RXRG: variants seen among roughly 807,000 people sequenced by gnomAD.
RXRG encodes retinoic acid receptor RXR-gamma.
A neutral mutation model predicts 49.2 loss-of-function variants in RXRG; 19 were observed. The observed-to-expected ratio is 0.39, with a 90% CI of 0.27 to 0.57. RXRG has a LOEUF of 0.57. RXRG is among the 20% of genes least tolerant of loss of function. The pLI, the probability that RXRG is intolerant of heterozygous loss-of-function variation, is 0.64. For missense variants in RXRG, 452 were observed against 592.5 expected (o/e 0.76, Z 2.46); for synonymous variants, 224 against 216.6 (o/e 1.03, Z -0.30).
At chr1:165,425,713 C>T (rs569650660) in intron 2 of RXRG, among the ~76,000 whole-genome samples, 288 of 152,314 alleles carry the variant, frequency 1.9e-3, no homozygotes, top group Non-Finnish European at 3.5e-3. Flanking sequence ...ATCCCCACTC[C>T]TCTGAGCACT....
intron 6 of RXRG, 103 bp downstream of exon 6, chr1:165,410,599 T>C (rs1407656923): frequency 1.5e-6 from 2 of 1,307,046 alleles, no homozygotes; most frequent in African/African-American, 1.5e-5. Context: ...ATCAGCATGG[T>C]ACATAGCTTG....
intron 3 of RXRG, among the ~76,000 whole-genome samples, chr1:165,418,042 C>T (rs894058544): frequency 5.5e-5 from 7 of 127,172 alleles, no homozygotes; most frequent in Admixed American, 1.0e-4. Context: ...ACCCTGGAGG[C>T]GGAGGTTGCA....
At chr1:165,421,983 A>G (rs1571277783) in intron 2 of RXRG, among the ~76,000 whole-genome samples, 1 of 152,184 alleles carries the variant, frequency 6.6e-6, no homozygotes, top group African/African-American at 2.4e-5. Flanking sequence ...AAATGGAAGA[A>G]CTTTAGGTCA....
At chr1:165,429,175 G>T (rs189140480) in intron 1 of RXRG, among the ~76,000 whole-genome samples, 30 of 152,306 alleles carry the variant, frequency 2.0e-4, no homozygotes, top group African/African-American at 6.7e-4. Flanking sequence ...CCTGCTCTAG[G>T]ACAGAAATAA....
rs1301563403 is a variant in RXRG at position 165,416,587 on chromosome 1, A to G, written c.622+454T>C. 2.6e-5 allele frequency among the ~76,000 whole-genome samples: 4 copies of G among 152,194 alleles called. No individual in the cohort carries two copies. The East Asian group carries it at 7.7e-4, about 29-fold the overall frequency. Reference sequence around the variant, plus strand: ...ATGAAACCTACAGTTTGCCCCAGAGAGAGACCTAGGATTAGAGGAGAAAAG... The same window carrying G: ...ATGAAACCTACAGTTTGCCCCAGAGGGAGACCTAGGATTAGAGGAGAAAAG... On this transcript the variant is annotated intron_variant, in intron 4 of 9. Transcript: ENST00000359842.
intron 4 of RXRG, among the ~76,000 whole-genome samples, chr1:165,415,559 G>T (rs771465082): frequency 6.6e-6 from 1 of 152,054 alleles, no homozygotes; most frequent in African/African-American, 2.4e-5. Context: ...TAGATTGGGG[G>T]GTTAGTGGTA....
chr1:165,417,888 A>C (rs2101720556), intron 3 of RXRG, among the ~76,000 whole-genome samples: 1 of 152,200 alleles, frequency 6.6e-6, no homozygotes, highest in South Asian at 2.1e-4. Flanking sequence ...AGATCACTTG[A>C]GGTCAGGAGC....
At chr1:165,412,175 G>C (rs998284021) in intron 4 of RXRG, among the ~76,000 whole-genome samples, 1 of 152,064 alleles carries the variant, frequency 6.6e-6, no homozygotes, top group Non-Finnish European at 1.5e-5. Flanking sequence ...TCGCAATGCC[G>C]AACATCTAGT....
intron 1 of RXRG, among the ~76,000 whole-genome samples, chr1:165,438,739 G>A (rs965805247): frequency 6.6e-6 from 1 of 152,138 alleles, no homozygotes; most frequent in Non-Finnish European, 1.5e-5. Context: ...CTAAAAGTCT[G>A]ATTTCTAAAC....
rs545857317 is a variant in RXRG, at chr1:165,402,470, G to C, written c.1245-1060C>G. 9.2e-5 allele frequency among the ~76,000 whole-genome samples: 14 copies of C among 152,274 alleles called. No individual in the cohort carries two copies. In the South Asian group the frequency reaches 2.7e-3, roughly 29 times the overall value. ...AGAGAAAATCATAGTCTCTGCCCTT[G>C]AGGAGTCTATGGTCTGTTTGGGGAG... On this transcript the variant is annotated intron_variant, in intron 9 of 9. Coordinates refer to ENST00000359842, the MANE Select transcript of RXRG (RefSeq NM_006917.5).
chr1:165,440,984 T>A (rs1658966679), intron 1 of RXRG, among the ~76,000 whole-genome samples: 1 of 152,228 alleles, frequency 6.6e-6, no homozygotes, highest in Admixed American at 6.5e-5. Flanking sequence ...ACATAAACCT[T>A]AACCACTTAT....
chr1:165,428,347 A>G (rs1227045475), intron 2 of RXRG, among the ~76,000 whole-genome samples: 3 of 152,228 alleles, frequency 2.0e-5, no homozygotes, highest in Admixed American at 6.5e-5. Flanking sequence ...TCATTTCTGC[A>G]TTGCCTTTAA....
chr1:165,404,438 A>T (rs1657680979), intron 9 of RXRG, among the ~76,000 whole-genome samples: 1 of 152,244 alleles, frequency 6.6e-6, no homozygotes, highest in South Asian at 2.1e-4. Context: ...TTTCAAAGTG[A>T]TATGAATTAG....
At chr1:165,403,568 A>C (rs1001108742) in intron 9 of RXRG, among the ~76,000 whole-genome samples, 2 of 152,256 alleles carry the variant, frequency 1.3e-5, no homozygotes, top group Non-Finnish European at 2.9e-5. Flanking sequence ...AATGCTACAC[A>C]TTACTTCAAA....
chr1:165,418,130 AAAAAAAAG>A (rs1658190786), intron 3 of RXRG, among the ~76,000 whole-genome samples: 4 of 151,276 alleles, frequency 2.6e-5, no homozygotes, highest in Admixed American at 6.6e-5. Flanking sequence ...AAAAAAAAAA[AAAAAAAAG>A]AAGGTGATTT....
intron 1 of RXRG, among the ~76,000 whole-genome samples, chr1:165,444,613 G>A (rs1337103925): frequency 6.6e-6 from 1 of 152,026 alleles, no homozygotes; most frequent in Non-Finnish European, 1.5e-5. Context: ...GAATATCCCC[G>A]TATCCTCATT....
intron 1 of RXRG, among the ~76,000 whole-genome samples, chr1:165,438,096 G>T (rs1448564112): frequency 6.6e-6 from 1 of 152,186 alleles, no homozygotes; most frequent in Non-Finnish European, 1.5e-5. Context: ...GAATGAAATA[G>T]ACGGTGGCCT....
chr1:165,418,110 C>CAAAAAAAAAA (rs57782668), intron 3 of RXRG, among the ~76,000 whole-genome samples: 1 of 73,856 alleles, frequency 1.4e-5, no homozygotes, highest in Non-Finnish European at 2.5e-5. Flanking sequence ...GATCCCGTCT[C>CAAAAAAAAAA]AAAAAAAAAA....
intron 4 of RXRG, among the ~76,000 whole-genome samples, chr1:165,411,631 G>A (rs1431447740): frequency 2.0e-5 from 3 of 152,168 alleles, no homozygotes; most frequent in Non-Finnish European, 2.9e-5. Flanking sequence ...AAGATCTTTA[G>A]GGAGCCAGCT....
Sources: gnomAD v4.1 joint callset for allele counts (sites outside exome capture counted in the v4.1 genomes callset) on GRCh38, gnomAD v4.1.1 for gene constraint, MANE v1.5 for transcripts, NCBI Gene and HGNC (gene_info 2026-07-23, HGNC 2026-07-21) for gene names.